TLL1: variants seen among roughly 807,000 people sequenced by gnomAD.
TLL1 encodes tolloid like 1.
In TLL1, 49 loss-of-function variants were observed where a neutral mutation model predicts 128.2. That is an observed-to-expected ratio of 0.38 (90% CI 0.30 to 0.48). The LOEUF (loss-of-function observed/expected upper bound fraction) is 0.48, where lower values mean the gene tolerates loss of function less well. Among genes scored for constraint, TLL1 ranks in the 20% least tolerant of loss-of-function variants. TLL1 has a pLI of 0.96. For synonymous variants in TLL1, 454 were observed against 418.8 expected (o/e 1.08, Z -1.03); for missense variants, 1,123 against 1,242.0 (o/e 0.90, Z 1.44).
At chr4:166,061,689 G>T (rs1430653398) in intron 15 of TLL1, among the ~76,000 whole-genome samples, 1 of 151,788 alleles carries the variant, frequency 6.6e-6, no homozygotes, top group African/African-American at 2.4e-5. Flanking sequence ...GAAATATGAT[G>T]AACTTTTGCT....
intron 1 of TLL1, among the ~76,000 whole-genome samples, chr4:165,883,139 T>C (rs1035227566): frequency 6.6e-6 from 1 of 152,100 alleles, no homozygotes; most frequent in South Asian, 2.1e-4. Flanking sequence ...TACGCAAAAC[T>C]GTATGCTTCA....
rs181480088 is a variant in TLL1 at position 166,015,683 on chromosome 4, T to C, written c.1042+1123T>C. On this transcript the variant is annotated intron_variant, in intron 8 of 20. Coordinates refer to ENST00000061240, the MANE Select transcript of TLL1 (RefSeq NM_012464.5). ...CAAGTGCAAGCAAGAAAAAGTGAGT[T>C]GTTTGAATAATCCCAGGAAATACCT... Among the ~76,000 whole-genome samples the C allele has an allele frequency of 3.3e-5, 5 of 152,066 alleles. No individual in the cohort carries two copies. The East Asian group carries it at 7.8e-4, about 24-fold the overall frequency.
rs949366297 is a variant in TLL1 at position 166,074,937 on chromosome 4, G to T, written c.2248G>T (p.Gly750Trp). The change falls in exon 17 of 21, where the codon GGG becomes TGG. Residue 750 changes from glycine to tryptophan, a missense_variant. Gly to Trp is a radical substitution (Grantham distance 184). Around this residue, in one of 3 missense-constraint regions of TLL1, gnomAD observed 634 missense variants for 672.4 expected, o/e 0.94. Transcript: ENST00000061240. ...TCAGCACGAATGTGTCAACACGATG[G>T]GGAGCTACATGTGTCAATGCCGTAA... ...GCQHECVNTM[G>W]SYMCQCRNGF... 6.2e-7 allele frequency: 1 copy of T among 1,613,614 alleles called. No homozygotes were observed. The highest frequency in any genetic ancestry group is 1.3e-5 in the African/African-American group (1 of 75,010).
At chr4:166,072,690 A>T (rs1341023958) in intron 16 of TLL1, among the ~76,000 whole-genome samples, 1 of 152,000 alleles carries the variant, frequency 6.6e-6, no homozygotes, top group Non-Finnish European at 1.5e-5. Flanking sequence ...TATGTTTTGG[A>T]ATTATTTTTA....
In TLL1 at chr4:165,979,048, G is replaced by GT. The variant is rs141509182; in HGVS notation, c.170-10326dup. ...GGTTTTCTTTAACTGGTTGTTCTGT[G>GT]TTTTTTTATAGCAGGATCAGAGAAT... On this transcript the variant is annotated intron_variant, in intron 1 of 20. Transcript: ENST00000061240. Among the ~76,000 whole-genome samples the GT allele has an allele frequency of 5.8e-3, 875 of 152,056 alleles. 3 individuals carry two copies. Among genetic ancestry groups the GT allele is most frequent in the Non-Finnish European group, 9.2e-3 (628 of 67,974 alleles).
chr4:166,042,766 A>G, intron 11 of TLL1, among the ~76,000 whole-genome samples: 1 of 152,224 alleles, frequency 6.6e-6, no homozygotes, highest in East Asian at 1.9e-4. Flanking sequence ...TAAACTTTTA[A>G]GTAAACGGAA....
intron 1 of TLL1, among the ~76,000 whole-genome samples, chr4:165,905,239 C>A (rs1732197911): frequency 6.6e-6 from 1 of 152,270 alleles, no homozygotes; most frequent in South Asian, 2.1e-4. Context: ...AGCATATGTC[C>A]CTACAAACCT....
intron 1 of TLL1, among the ~76,000 whole-genome samples, chr4:165,988,003 G>A (rs1407174472): frequency 6.6e-6 from 1 of 151,984 alleles, no homozygotes; most frequent in African/African-American, 2.4e-5. Context: ...AAGAAAATTG[G>A]TAAACCTGTA....
At chr4:165,981,460 ATTAG>A (rs1736146663) in intron 1 of TLL1, among the ~76,000 whole-genome samples, 1 of 152,096 alleles carries the variant, frequency 6.6e-6, no homozygotes, top group Admixed American at 6.6e-5. Context: ...TGAATTTTAA[ATTAG>A]TTAATCAGTA....
At chr4:165,909,205 AAAG>A (rs1464202736) in intron 1 of TLL1, among the ~76,000 whole-genome samples, 5 of 152,152 alleles carry the variant, frequency 3.3e-5, no homozygotes, top group Non-Finnish European at 7.4e-5. Context: ...AGAAAAAAGA[AAAG>A]AACGGCTCCA....
chr4:165,948,081 TC>T (rs1432612216), intron 1 of TLL1, among the ~76,000 whole-genome samples: 2 of 152,124 alleles, frequency 1.3e-5, no homozygotes, highest in Non-Finnish European at 2.9e-5. Flanking sequence ...AGAGCTGTGA[TC>T]CACAGAGGAG....
intron 9 of TLL1, chr4:166,030,610 G>T: frequency 1.6e-6 from 1 of 644,166 alleles, no homozygotes; most frequent in Non-Finnish European, 2.3e-6. Flanking sequence ...TTTACCCTGT[G>T]TTTTCTTCTA....
chr4:166,004,302 T>C (rs1737309725), intron 6 of TLL1, among the ~76,000 whole-genome samples: 1 of 152,122 alleles, frequency 6.6e-6, no homozygotes, highest in Non-Finnish European at 1.5e-5. Flanking sequence ...AAAGTAAAAA[T>C]GTGTTTTTAT....
chr4:165,957,437 T>C (rs888929009), intron 1 of TLL1, among the ~76,000 whole-genome samples: 9 of 151,960 alleles, frequency 5.9e-5, no homozygotes, highest in Non-Finnish European at 1.3e-4. Context: ...TTTAGACAGA[T>C]CATTGAGGCA....
At chr4:165,941,480 G>A (rs1193751281) in intron 1 of TLL1, among the ~76,000 whole-genome samples, 1 of 152,074 alleles carries the variant, frequency 6.6e-6, no homozygotes, top group Non-Finnish European at 1.5e-5. Flanking sequence ...TAGAATTTAT[G>A]CAGAAGGTTA....
chr4:166,001,746 G>A lies in TLL1; in HGVS notation c.633-1645G>A, dbSNP rs28541589. ...TGGGAGGCAAAGTTTGCAGTGGGCC[G>A]ATTGTGCCACTGCACACCAGCCTGG... On this transcript the variant is annotated intron_variant, in intron 5 of 20. Coordinates refer to ENST00000061240, the MANE Select transcript of TLL1 (RefSeq NM_012464.5). Among the ~76,000 whole-genome samples the A allele has an allele frequency of 9.5e-3, 1,421 of 149,950 alleles. 25 individuals carry two copies. The highest frequency in any genetic ancestry group is 0.033 in the African/African-American group (1,344 of 40,686).
chr4:166,010,458 G>A (rs1737635966), intron 7 of TLL1, among the ~76,000 whole-genome samples: 2 of 150,864 alleles, frequency 1.3e-5, no homozygotes, highest in African/African-American at 4.9e-5. Context: ...TAAGTCCTAT[G>A]CCCATGTCTA....
chr4:166,058,616 C>A (rs1740142283), intron 14 of TLL1, among the ~76,000 whole-genome samples: 1 of 152,144 alleles, frequency 6.6e-6, no homozygotes, highest in Non-Finnish European at 1.5e-5. Context: ...AGGCCCCATA[C>A]CGCTATTACA....
chr4:165,990,992 A>G lies in TLL1; in HGVS notation c.280+1501A>G, dbSNP rs1157797742. On this transcript the variant is annotated intron_variant, in intron 2 of 20. Coordinates refer to ENST00000061240, the MANE Select transcript of TLL1 (RefSeq NM_012464.5). ...TATCACCTGTAACACTGTCATGGAGACAACGCATTCTGGACAGTAGAGCAA... is the reference window on the plus strand; with the variant it reads ...TATCACCTGTAACACTGTCATGGAGGCAACGCATTCTGGACAGTAGAGCAA... Among the ~76,000 whole-genome samples, 6 of 152,082 alleles carry G rather than the reference A, an allele frequency of 3.9e-5. No homozygotes were observed. In the East Asian group the frequency reaches 1.2e-3, roughly 29 times the overall value.
Sources: allele counts gnomAD v4.1 joint callset (sites outside exome capture counted in the v4.1 genomes callset), GRCh38; gene constraint gnomAD v4.1.1; regional missense constraint gnomAD v4.1.1; transcripts MANE v1.5; gene names NCBI Gene and HGNC (gene_info 2026-07-23, HGNC 2026-07-21).